The following EXOC4 variants were observed in gnomAD, a reference collection of about 807,000 sequenced individuals.
EXOC4 encodes the protein SEC8-like 1.
EXOC4 carries 71 observed loss-of-function variants against 107.2 expected under a neutral mutation model. The ratio of observed to expected loss-of-function variants is 0.66; its 90% CI spans 0.55 to 0.81. The LOEUF (loss-of-function observed/expected upper bound fraction) is 0.81, where lower values mean the gene tolerates loss of function less well. EXOC4 is among the 30% of genes least tolerant of loss of function. EXOC4 has a pLI of 0.00. For synonymous variants in EXOC4, 456 were observed against 441.2 expected, an observed-to-expected ratio of 1.03 and a Z score of -0.42; for missense variants, 1,108 against 1,189.6, an observed-to-expected ratio of 0.93 and a Z score of 1.01.
chr7:134,008,940 AT>A (rs1167732211), intron 17 of EXOC4, among the ~76,000 whole-genome samples: 2 of 152,082 alleles, frequency 1.3e-5, no homozygotes, highest in Non-Finnish European at 2.9e-5. Context: ...CTTGATCTCA[AT>A]TTTTAATGTT....
At chr7:133,320,171 G>A (rs971038760) in intron 5 of EXOC4, among the ~76,000 whole-genome samples, 11 of 152,090 alleles carry the variant, frequency 7.2e-5, no homozygotes, top group African/African-American at 2.7e-4. Context: ...CAAGCTAGGT[G>A]TCCTCTTTGT....
chr7:133,766,929 C>CTGT (rs1451465011), intron 10 of EXOC4, among the ~76,000 whole-genome samples: 1 of 151,896 alleles, frequency 6.6e-6, no homozygotes, highest in Non-Finnish European at 1.5e-5. Context: ...TTCATCCTCT[C>CTGT]TGTTTCAAAA....
chr7:133,843,996 C>T (rs955002690), intron 11 of EXOC4, among the ~76,000 whole-genome samples: 14 of 152,218 alleles, frequency 9.2e-5, no homozygotes, highest in African/African-American at 3.4e-4. Context: ...ACCAATCTTG[C>T]ATCCCAGGGA....
Position 133,480,072 on chromosome 7 carries a change from A to C in EXOC4, c.1351A>C (p.Ile451Leu), listed in dbSNP as rs1332345362. The C allele has an allele frequency of 6.2e-7, 1 of 1,613,880 alleles. No individual in the cohort carries two copies. The highest frequency in any genetic ancestry group is 1.3e-5 in the African/African-American group (1 of 74,912). Residue 451 changes from isoleucine to leucine, a missense_variant, in exon 9 of 18, where the codon ATC becomes CTC. Transcript: ENST00000253861. ...LFKFESSSHA[I>L]SMSAYLREQR... ...CAGGTTCGAATCGTCCTCCCATGCC[A>C]TCAGTATGAGCGCCTATCTGCGAGA...
intron 2 of EXOC4, among the ~76,000 whole-genome samples, chr7:133,287,149 G>A (rs1794298220): frequency 6.6e-6 from 1 of 151,930 alleles, no homozygotes; most frequent in South Asian, 2.1e-4. Context: ...TCCCTTATTT[G>A]CTGTTCTTCC....
At chr7:133,786,906 G>C (rs1359105190) in intron 10 of EXOC4, among the ~76,000 whole-genome samples, 2 of 152,198 alleles carry the variant, frequency 1.3e-5, no homozygotes, top group Non-Finnish European at 2.9e-5. Context: ...TATTGTGCTA[G>C]AATTGTAGAA....
chr7:133,617,331 C>T (rs1802217119), intron 9 of EXOC4, among the ~76,000 whole-genome samples: 1 of 152,090 alleles, frequency 6.6e-6, no homozygotes, highest in South Asian at 2.1e-4. Flanking sequence ...GTAGACTGTT[C>T]CATAAAGAGA....
chr7:133,478,911 C>T (rs1239604430), intron 8 of EXOC4: 2 of 152,152 alleles, frequency 1.3e-5, no homozygotes, highest in African/African-American at 4.8e-5. Flanking sequence ...TTAGTACCCT[C>T]TTAGTTCTTG....
intron 11 of EXOC4, among the ~76,000 whole-genome samples, chr7:133,879,773 G>T (rs1198052698): frequency 6.6e-6 from 1 of 152,068 alleles, no homozygotes; most frequent in Non-Finnish European, 1.5e-5. Flanking sequence ...TTTAATATTT[G>T]TTATGGTTCT....
intron 9 of EXOC4, among the ~76,000 whole-genome samples, chr7:133,514,517 A>G (rs1031692857): frequency 6.6e-6 from 1 of 152,124 alleles, no homozygotes. Flanking sequence ...GTAATTTCTG[A>G]TAAATCCACT....
chr7:134,053,059 T>C (rs1795833729), intron 17 of EXOC4, among the ~76,000 whole-genome samples: 1 of 152,154 alleles, frequency 6.6e-6, no homozygotes, highest in South Asian at 2.1e-4. Flanking sequence ...TCATTCATTC[T>C]TTTTCATTTA....
intron 10 of EXOC4, among the ~76,000 whole-genome samples, chr7:133,672,173 T>C (rs112827988): frequency 1.9e-3 from 285 of 152,092 alleles, no homozygotes; most frequent in African/African-American, 6.5e-3. Flanking sequence ...AGGCGGATCA[T>C]GAGGTCAGGA....
chr7:133,901,593 G>T (rs73156925), intron 12 of EXOC4, among the ~76,000 whole-genome samples: 1 of 152,048 alleles, frequency 6.6e-6, no homozygotes, highest in African/African-American at 2.4e-5. Context: ...TCCTCAAAGC[G>T]TTATTTCAAA....
intron 5 of EXOC4, among the ~76,000 whole-genome samples, chr7:133,351,375 TTA>T (rs1795905885): frequency 6.6e-6 from 1 of 152,040 alleles, no homozygotes; most frequent in South Asian, 2.1e-4. Flanking sequence ...TCCTTACTAG[TTA>T]TAGATCTATT....
intron 14 of EXOC4, among the ~76,000 whole-genome samples, chr7:133,970,076 A>T (rs1026698622): frequency 6.6e-6 from 1 of 152,134 alleles, no homozygotes; most frequent in African/African-American, 2.4e-5. Context: ...CAGTCTAGCT[A>T]TAGAGGCTTT....
intron 10 of EXOC4, among the ~76,000 whole-genome samples, chr7:133,746,377 T>C (rs1795678122): frequency 1.3e-5 from 2 of 152,154 alleles, no homozygotes; most frequent in African/African-American, 2.4e-5. Context: ...TGAGGAAATA[T>C]CCCTTTTTTT....
chr7:133,761,602 C>T (rs1419551000), intron 10 of EXOC4, among the ~76,000 whole-genome samples: 1 of 152,072 alleles, frequency 6.6e-6, no homozygotes, highest in Non-Finnish European at 1.5e-5. Context: ...TGGCAACAGA[C>T]CTAGGGCTAG....
At chr7:133,714,079 A>G (rs1048364391) in intron 10 of EXOC4, among the ~76,000 whole-genome samples, 1 of 152,018 alleles carries the variant, frequency 6.6e-6, no homozygotes, top group Non-Finnish European at 1.5e-5. Flanking sequence ...TGTCAGGCCC[A>G]CCCTCACACC....
At chr7:133,584,222 T>C (rs1218971247) in intron 9 of EXOC4, among the ~76,000 whole-genome samples, 1 of 152,094 alleles carries the variant, frequency 6.6e-6, no homozygotes, top group Non-Finnish European at 1.5e-5. Context: ...CAGGTTTTAA[T>C]TGAGTTGACA....
Sources: gnomAD v4.1 joint callset for allele counts (sites outside exome capture counted in the v4.1 genomes callset) on GRCh38, gnomAD v4.1.1 for gene constraint, MANE v1.5 for transcripts, NCBI Gene and HGNC (gene_info 2026-07-23, HGNC 2026-07-21) for gene names.